Variants in FBH1 observed in about 807,000 individuals in gnomAD.
FBH1 encodes DNA 3'-5' helicase 1.
Under a neutral mutation model 115.5 loss-of-function variants are expected in FBH1, and 43 were observed. The ratio of observed to expected loss-of-function variants is 0.37; its 90% confidence interval spans 0.29 to 0.48. The LOEUF is 0.48. Among genes scored for constraint, FBH1 ranks in the 20% least tolerant of loss-of-function variants. The probability of loss-of-function intolerance (pLI) is 0.99; values close to 1 mark genes in which losing one functional copy is unlikely to be tolerated. For synonymous variants in FBH1, 524 were observed against 507.8 expected (o/e 1.03, Z -0.43); for missense variants, 1,001 against 1,337.3 (o/e 0.75, Z 3.92).
Position 5,911,044 on chromosome 10 carries a change from C to T in FBH1, c.1127C>T (p.Thr376Ile). Reference sequence around the variant, plus strand: ...CTCCGGAGACCCAGCTCCACGGTGACCATGCCAGATGTCACCGAGACCCTG... The same window carrying T: ...CTCCGGAGACCCAGCTCCACGGTGATCATGCCAGATGTCACCGAGACCCTG... ...FCLRRPSSTV[T>I]MPDVTETLYC... Residue 376 changes from threonine to isoleucine, a missense_variant, in exon 6 of 21, where the codon ACC becomes ATC. Transcript: ENST00000362091. The surrounding 1 kb of genome is among the most constrained non-coding windows in gnomAD (Gnocchi z 5.4). The T allele has an allele frequency of 6.2e-7, 1 of 1,613,288 alleles. No homozygotes were observed. The highest frequency in any genetic ancestry group is 8.5e-7 in the Non-Finnish European group (1 of 1,180,000).
rs1401218981 is a variant in FBH1, at chr10:5,930,581, G to T, written c.2829+3040G>T. Among the ~76,000 whole-genome samples, 9 of 152,220 alleles carry T rather than the reference G, an allele frequency of 5.9e-5. No homozygotes were observed. In the East Asian group the frequency reaches 1.7e-3, roughly 29 times the overall value. ...GAGGCCGGAGAGGGCTTCGTGCTTT[G>T]CCTCGTCACATGAGGAGGCTCACAG... is the stretch of plus-strand genomic sequence containing the variant. On this transcript the variant is annotated intron_variant, in intron 19 of 20. Coordinates refer to ENST00000362091, the MANE Select transcript of FBH1 (RefSeq NM_178150.3).
intron 1 of FBH1, 100 bp downstream of exon 1, chr10:5,890,446 G>C (rs1440142355): frequency 3.0e-6 from 1 of 337,756 alleles, no homozygotes; most frequent in Non-Finnish European, 5.6e-6. Context: ...GGCCCGGGGT[G>C]GGGCAGCGGG....
intron 1 of FBH1, among the ~76,000 whole-genome samples, chr10:5,902,573 T>G (rs1398579645): frequency 1.3e-5 from 2 of 152,092 alleles, no homozygotes; most frequent in Non-Finnish European, 2.9e-5. Flanking sequence ...TTCAAGCGAT[T>G]GTCTTGCCTC....
intron 19 of FBH1, 39 bp downstream of exon 19, chr10:5,927,580 T>G (rs373756381): frequency 6.5e-7 from 1 of 1,529,710 alleles, no homozygotes; most frequent in Non-Finnish European, 9.0e-7. Flanking sequence ...TTGATGCCAT[T>G]GAATGTTATT....
chr10:5,928,404 C>A (rs1034098531), intron 19 of FBH1: 1 of 152,232 alleles, frequency 6.6e-6, no homozygotes, highest in African/African-American at 2.4e-5. Flanking sequence ...CCTGCCTCAG[C>A]CTCCCAAAGT....
At chr10:5,907,472 G>GTTTT (rs34817242) in intron 3 of FBH1, among the ~76,000 whole-genome samples, 1 of 111,230 alleles carries the variant, frequency 9.0e-6, no homozygotes, top group African/African-American at 3.3e-5. Flanking sequence ...GTTGTTGTTG[G>GTTTT]TTTTTTTTTT....
chr10:5,894,482 C>T (rs1842900431), intron 1 of FBH1: 1 of 1,213,492 alleles, frequency 8.2e-7, no homozygotes, highest in Admixed American at 1.7e-5. Context: ...GTGTTGGCAC[C>T]ATCACTCATG....
At position 5,910,742 on chromosome 10, in the gene FBH1, T is replaced by C. The variant is rs1831531375; in HGVS notation, c.1021-196T>C. 6.6e-6 allele frequency among the ~76,000 whole-genome samples: 1 copy of C among 152,180 alleles called. No individual in the cohort carries two copies. Among genetic ancestry groups the C allele is most frequent in the Non-Finnish European group, 1.5e-5 (1 of 68,038 alleles). On this transcript the variant is annotated intron_variant, in intron 5 of 20. Coordinates refer to ENST00000362091, the MANE Select transcript of FBH1 (RefSeq NM_178150.3). This position sits in a 1 kb window ranked among gnomAD's most constrained non-coding sequence, Gnocchi z 4.8. ...AAAACTAAGATCTCAAATCCAAAAG[T>C]GATGAGAAGGAGTCCAGGGCGAACA... is the stretch of plus-strand genomic sequence containing the variant.
At chr10:5,891,625 T>A (rs895378768) in intron 1 of FBH1, among the ~76,000 whole-genome samples, 3 of 152,174 alleles carry the variant, frequency 2.0e-5, no homozygotes, top group Non-Finnish European at 2.9e-5. Context: ...ATATATATAT[T>A]TTGAGACAGA....
rs1355921554 is a variant in FBH1, at chr10:5,914,454, C to G, written c.1396+185C>G. 6.6e-6 allele frequency among the ~76,000 whole-genome samples: 1 copy of G among 152,252 alleles called. No homozygotes were observed. On this transcript the variant is annotated intron_variant, in intron 8 of 20. Transcript: ENST00000362091. The surrounding 1 kb of genome is among the most constrained non-coding windows in gnomAD (Gnocchi z 5.2). ...GAATACTTACTTCCCCGGACCACTCCATGAACATCCACAGAATTCCTGTTG... is the reference window on the plus strand; with the variant it reads ...GAATACTTACTTCCCCGGACCACTCGATGAACATCCACAGAATTCCTGTTG...
Position 5,924,561 on chromosome 10 carries a change from C to A in FBH1, c.2596+53C>A. 9 of 1,490,524 alleles carry A rather than the reference C, an allele frequency of 6.0e-6. No homozygotes were observed. The highest frequency in any genetic ancestry group is 1.8e-4 in the Middle Eastern group (1 of 5,530). The allele number at this position is 1,490,524 out of a possible 1,614,324, so 92.3% of individuals were successfully genotyped here. A position where few individuals can be genotyped will look rare whatever the true frequency, so the allele number is the denominator to read the frequency against. ...CCCCCTAAGAGGAGGAACAGATGGTCTTCTGCTGTTCTTTTTTTTTTTTTG... is the reference window on the plus strand; with the variant it reads ...CCCCCTAAGAGGAGGAACAGATGGTATTCTGCTGTTCTTTTTTTTTTTTTG... On this transcript the variant is annotated intron_variant, in intron 17 of 20. Transcript: ENST00000362091. This position sits in a 1 kb window ranked among gnomAD's most constrained non-coding sequence, Gnocchi z 6.2.
intron 19 of FBH1, chr10:5,928,602 C>T (rs1832790972): frequency 1.3e-5 from 2 of 152,224 alleles, no homozygotes; most frequent in Non-Finnish European, 2.9e-5. Flanking sequence ...TGTTCAGGCA[C>T]CTGGCCTTTG....
rs993531938 is a variant in FBH1 at position 5,911,433 on chromosome 10, C to G, written c.1211+305C>G. 2.6e-5 allele frequency among the ~76,000 whole-genome samples: 4 copies of G among 152,238 alleles called. No homozygotes were observed. The highest frequency in any genetic ancestry group is 2.0e-4 in the Admixed American group (3 of 15,288). On this transcript the variant is annotated intron_variant, in intron 6 of 20. Transcript: ENST00000362091. The surrounding 1 kb of genome is among the most constrained non-coding windows in gnomAD (Gnocchi z 5.4). ...GCCAAGAGAAGCCTTTCTTATTCAC[C>G]CGTGGCCTCGCTTCCCTAGGAAAAT...
intron 1 of FBH1, among the ~76,000 whole-genome samples, chr10:5,896,419 G>T (rs1310312000): frequency 6.6e-6 from 1 of 152,164 alleles, no homozygotes; most frequent in Non-Finnish European, 1.5e-5. Context: ...CTGGAATGGG[G>T]ACCCCTGGGG....
At chr10:5,890,699 G>A (rs553173438) in intron 1 of FBH1, among the ~76,000 whole-genome samples, 2 of 152,210 alleles carry the variant, frequency 1.3e-5, no homozygotes, top group Non-Finnish European at 2.9e-5. Context: ...AGGCTTTCCC[G>A]TCTACTCTGA....
Position 5,913,477 on chromosome 10 carries a change from G to A in FBH1, c.1212-270G>A, listed in dbSNP as rs1831735998. ...TTGTTTGTCTCTTCAAGTCACAGCT[G>A]GCGCCCCTCATTCCCTGAAGAGCCC... On this transcript the variant is annotated intron_variant, in intron 6 of 20. Transcript: ENST00000362091. This position sits in a 1 kb window ranked among gnomAD's most constrained non-coding sequence, Gnocchi z 4.4. 6.6e-6 allele frequency among the ~76,000 whole-genome samples: 1 copy of A among 152,140 alleles called. No homozygotes were observed. The highest frequency in any genetic ancestry group is 1.5e-5 in the Non-Finnish European group (1 of 68,026).
At chr10:5,934,755 C>T (rs11256009) in intron 19 of FBH1, 43,869 of 152,202 alleles carry the variant, frequency 0.29, 6,881 homozygotes, top group Middle Eastern at 0.35. Flanking sequence ...GCTTTGTTGC[C>T]CAGGCTGGAG....
intron 1 of FBH1, 112 bp downstream of exon 1, chr10:5,890,458 G>A: frequency 3.0e-6 from 1 of 328,788 alleles, no homozygotes; most frequent in Non-Finnish European, 5.8e-6. Flanking sequence ...GGCAGCGGGG[G>A]CCCCGGGGGC....
chr10:5,930,345 G>C (rs768538978), intron 19 of FBH1, among the ~76,000 whole-genome samples: 1 of 152,152 alleles, frequency 6.6e-6, no homozygotes, highest in Non-Finnish European at 1.5e-5. Context: ...AGAGCTGTAC[G>C]GGACTCCCTC....
Sources: allele counts gnomAD v4.1 joint callset (sites outside exome capture counted in the v4.1 genomes callset), GRCh38; gene constraint gnomAD v4.1.1; non-coding constraint Gnocchi (gnomAD v3.1); transcripts MANE v1.5; gene names NCBI Gene and HGNC (gene_info 2026-07-23, HGNC 2026-07-21).